NEDD4: variants seen among roughly 807,000 people sequenced by gnomAD.
NEDD4 encodes the protein E3 ubiquitin-protein ligase NEDD4.
A neutral mutation model predicts 144.9 loss-of-function variants in NEDD4; 99 were observed. The observed-to-expected ratio is 0.68, with a 90% CI of 0.58 to 0.81. The LOEUF (loss-of-function observed/expected upper bound fraction) is 0.81, where lower values mean the gene tolerates loss of function less well. Ranked by LOEUF, NEDD4 falls within the 30% of genes least tolerant of loss-of-function variation. The pLI, the probability that NEDD4 is intolerant of heterozygous loss-of-function variation, is 0.00. For missense variants in NEDD4, 985 were observed against 1,065.9 expected, an observed-to-expected ratio of 0.92 and a Z score of 1.06; for synonymous variants, 318 against 350.6, an observed-to-expected ratio of 0.91 and a Z score of 1.04.
At chr15:55,970,598 G>A (rs1056701067) in intron 1 of NEDD4, among the ~76,000 whole-genome samples, 1 of 152,188 alleles carries the variant, frequency 6.6e-6, no homozygotes, top group Non-Finnish European at 1.5e-5. Context: ...ACTCCAATTG[G>A]TTGGGGGAAA....
rs1263298146 is a variant in NEDD4, at chr15:55,840,520, T to G, written c.1961-3A>C. On this transcript the variant is annotated splice_polypyrimidine_tract_variant and splice_region_variant and intron_variant, in intron 20 of 28. Coordinates refer to ENST00000435532, the MANE Select transcript of NEDD4 (RefSeq NM_006154.4). ...GTAAAATGGGCGGATGAAAAAACCT[T>G]GCAAAAAACCAAATACATTTAGGAT... The G allele has an allele frequency of 1.9e-6, 3 of 1,613,834 alleles. No homozygotes were observed. Among genetic ancestry groups the G allele is most frequent in the African/African-American group, 2.7e-5 (2 of 74,902 alleles).
intron 12 of NEDD4, among the ~76,000 whole-genome samples, chr15:55,855,517 G>T (rs1266922212): frequency 1.3e-5 from 2 of 152,216 alleles, no homozygotes; most frequent in African/African-American, 4.8e-5. Context: ...AACAAGTAGG[G>T]CTTCTGGAAA....
chr15:55,906,353 T>G (rs1393599072), intron 5 of NEDD4, among the ~76,000 whole-genome samples: 2 of 152,154 alleles, frequency 1.3e-5, no homozygotes, highest in African/African-American at 4.8e-5. Flanking sequence ...TGCAGCACTA[T>G]TCACAATAGC....
chr15:55,846,983 T>G lies in NEDD4; in HGVS notation c.1594A>C (p.Lys532Gln). The G allele has an allele frequency of 6.2e-7, 1 of 1,607,124 alleles. No homozygotes were observed. Among genetic ancestry groups the G allele is most frequent in the Non-Finnish European group, 8.5e-7 (1 of 1,174,474 alleles). The change falls in exon 18 of 29, where the codon AAG becomes CAG. Residue 532 changes from lysine (K) to glutamine (Q), a missense_variant. By Grantham distance (53) the Lys-to-Gln change is moderately conservative. Coordinates refer to ENST00000435532, the MANE Select transcript of NEDD4 (RefSeq NM_006154.4). The part of the protein sequence containing the change: ...YKRKYEFFRR[K>Q]LKKQNDIPNK... ...ACATGACTAACCTGCTTCTTCAACT[T>G]TCTTCGGAAGAACTCATACTTTCTT... is the stretch of plus-strand genomic sequence containing the variant.
chr15:55,917,086 A>C, intron 5 of NEDD4: 1 of 1,215,622 alleles, frequency 8.2e-7, no homozygotes, highest in Non-Finnish European at 1.0e-6. Flanking sequence ...CTTCACTTAC[A>C]AAGCACTTGA....
intron 18 of NEDD4, 54 bp from the exon 19 acceptor site, chr15:55,842,217 AC>A: frequency 7.0e-7 from 1 of 1,427,132 alleles, no homozygotes; most frequent in Non-Finnish European, 9.8e-7. Context: ...ATAATAACAA[AC>A]CCATCTCTCA....
At chr15:55,855,363 G>A (rs1346982969) in intron 12 of NEDD4, among the ~76,000 whole-genome samples, 5 of 152,282 alleles carry the variant, frequency 3.3e-5, no homozygotes, top group South Asian at 2.1e-4. Flanking sequence ...ACTCAGAAGC[G>A]GGAGAGAATC....
chr15:55,899,461 T>A (rs531741550), intron 5 of NEDD4, among the ~76,000 whole-genome samples: 27 of 152,270 alleles, frequency 1.8e-4, no homozygotes, highest in African/African-American at 6.3e-4. Context: ...AACATATCAA[T>A]GAAAACAGGA....
intron 4 of NEDD4, among the ~76,000 whole-genome samples, chr15:55,925,123 A>G (rs1166840500): frequency 6.6e-6 from 1 of 152,208 alleles, no homozygotes; most frequent in Non-Finnish European, 1.5e-5. Flanking sequence ...TCTAATTCCG[A>G]TTATTTGGAA....
chr15:55,972,120 G>A (rs1427698885), intron 1 of NEDD4, among the ~76,000 whole-genome samples: 2 of 152,200 alleles, frequency 1.3e-5, no homozygotes, highest in Non-Finnish European at 2.9e-5. Flanking sequence ...TTCAAGAAAT[G>A]CTAAAGGGTG....
intron 4 of NEDD4, among the ~76,000 whole-genome samples, chr15:55,933,230 C>T (rs182038643): frequency 6.6e-6 from 1 of 151,790 alleles, no homozygotes; most frequent in Middle Eastern, 3.2e-3. Flanking sequence ...CACATGCACA[C>T]GTATGTTTAT....
chr15:55,838,636 G>A, intron 21 of NEDD4, 32 bp from the exon 22 acceptor site: 1 of 1,483,592 alleles, frequency 6.7e-7, no homozygotes, highest in Non-Finnish European at 9.4e-7. Context: ...TTTAAAATTT[G>A]TATCTATAAC....
intron 6 of NEDD4, 75 bp from the exon 7 acceptor site, chr15:55,872,551 C>T: frequency 3.6e-6 from 2 of 557,512 alleles, no homozygotes; most frequent in Non-Finnish European, 5.8e-6. Context: ...TACTCATGAA[C>T]TATCACCTAA....
Position 55,983,909 on chromosome 15 carries a change from C to A in NEDD4, c.45+9602G>T, listed in dbSNP as rs138662542. 2.0e-3 allele frequency among the ~76,000 whole-genome samples: 306 copies of A among 152,230 alleles called. 6 individuals are homozygous for A. The highest frequency in any genetic ancestry group is 0.014 in the East Asian group (71 of 5,174). On this transcript the variant is annotated intron_variant, in intron 1 of 28. Coordinates refer to ENST00000435532, the MANE Select transcript of NEDD4 (RefSeq NM_006154.4). ...TACAGGTGTGAGCCACTGCGCCCAG[C>A]CTGTTATAAATACTTTCATCTTACA...
intron 5 of NEDD4, among the ~76,000 whole-genome samples, chr15:55,918,603 TAAGA>T (rs1364593770): frequency 7.3e-5 from 11 of 151,716 alleles, no homozygotes; most frequent in African/African-American, 2.7e-4. Flanking sequence ...AAAAACTGCT[TAAGA>T]TAGATCTGTT....
chr15:55,896,022 A>G (rs1461490450), intron 5 of NEDD4, among the ~76,000 whole-genome samples: 1 of 152,216 alleles, frequency 6.6e-6, no homozygotes, highest in Non-Finnish European at 1.5e-5. Flanking sequence ...ATACTGGTCC[A>G]GAGGAAAAAC....
chr15:55,870,411 T>C (rs6493824), intron 7 of NEDD4, among the ~76,000 whole-genome samples: 109,475 of 152,014 alleles, frequency 0.72, 39,959 homozygotes, highest in Non-Finnish European at 0.8. Flanking sequence ...TGTATCACCT[T>C]TTTGAATAAT....
chr15:55,851,807 G>T (rs535350686), intron 13 of NEDD4, among the ~76,000 whole-genome samples: 2 of 151,832 alleles, frequency 1.3e-5, no homozygotes, highest in Non-Finnish European at 2.9e-5. Flanking sequence ...GATCCCAATC[G>T]CCAAGATTAT....
chr15:55,984,382 G>A (rs535561060), intron 1 of NEDD4, among the ~76,000 whole-genome samples: 1 of 152,246 alleles, frequency 6.6e-6, no homozygotes, highest in East Asian at 1.9e-4. Context: ...TCTAAAATGG[G>A]GGTAATACTT....
Sources: gnomAD v4.1 joint callset for allele counts (sites outside exome capture counted in the v4.1 genomes callset) on GRCh38, gnomAD v4.1.1 for gene constraint, MANE v1.5 for transcripts, NCBI Gene and HGNC (gene_info 2026-07-23, HGNC 2026-07-21) for gene names.